Variants in ADAMTSL1 observed in about 807,000 individuals in gnomAD.
The protein encoded by ADAMTSL1 is ADAMTS-like protein 1.
Under a neutral mutation model 201.8 loss-of-function variants are expected in ADAMTSL1, and 126 were observed. The ratio of observed to expected loss-of-function variants is 0.62; its 90% CI spans 0.54 to 0.72. The LOEUF (loss-of-function observed/expected upper bound fraction) is 0.72, where lower values mean the gene tolerates loss of function less well. Among genes scored for constraint, ADAMTSL1 ranks in the 30% least tolerant of loss-of-function variants. ADAMTSL1 has a pLI of 0.00. For missense variants in ADAMTSL1, 2,679 were observed against 2,277.8 expected, an observed-to-expected ratio of 1.18 and a Z score of -3.59; for synonymous variants, 1,121 against 903.4, an observed-to-expected ratio of 1.24 and a Z score of -4.32.
At chr9:17,946,610 A>T (rs1421980381) in intron 1 of ADAMTSL1, among the ~76,000 whole-genome samples, 1 of 152,142 alleles carries the variant, frequency 6.6e-6, no homozygotes, top group Non-Finnish European at 1.5e-5. Flanking sequence ...AATTAAAAAT[A>T]GGAATTCTTT....
At chr9:18,068,719 C>G (rs1423583054) in intron 1 of ADAMTSL1, among the ~76,000 whole-genome samples, 1 of 152,174 alleles carries the variant, frequency 6.6e-6, no homozygotes, top group Admixed American at 6.5e-5. Context: ...ATATATTTAA[C>G]AAGTTTTCAC....
intron 4 of ADAMTSL1, among the ~76,000 whole-genome samples, chr9:18,589,878 G>T (rs1823795666): frequency 6.6e-6 from 1 of 152,058 alleles, no homozygotes; most frequent in Admixed American, 6.6e-5. Flanking sequence ...TTATTAATTT[G>T]TAAATGTTGA....
chr9:18,483,931 C>T (rs1316192345), intron 1 of ADAMTSL1, among the ~76,000 whole-genome samples: 1 of 152,222 alleles, frequency 6.6e-6, no homozygotes, highest in Non-Finnish European at 1.5e-5. Context: ...CTGTAAAATA[C>T]GGCTCTTCCC....
chr9:18,512,539 C>T (rs1587419937), intron 2 of ADAMTSL1, among the ~76,000 whole-genome samples: 1 of 151,996 alleles, frequency 6.6e-6, no homozygotes, highest in East Asian at 1.9e-4. Flanking sequence ...TTATTGAATA[C>T]CTACTATGTA....
chr9:18,248,811 C>T (rs4961631), intron 2 of ADAMTSL1, among the ~76,000 whole-genome samples: 150,832 of 152,268 alleles, frequency 0.99, 74,725 homozygotes, highest in Middle Eastern at 1. Flanking sequence ...CTCTCTCTCA[C>T]TGAAAACAAG....
intron 2 of ADAMTSL1, among the ~76,000 whole-genome samples, chr9:18,397,050 G>A (rs1817781713): frequency 6.9e-6 from 1 of 145,708 alleles, no homozygotes; most frequent in Admixed American, 6.6e-5. Flanking sequence ...GCTATTCACA[G>A]TGATCCTGGG....
chr9:18,500,378 A>T (rs1486695058), intron 1 of ADAMTSL1, among the ~76,000 whole-genome samples: 1 of 152,244 alleles, frequency 6.6e-6, no homozygotes, highest in Non-Finnish European at 1.5e-5. Flanking sequence ...CACAATCTGT[A>T]TTCCATAAAA....
At chr9:18,723,173 C>G in intron 15 of ADAMTSL1, 6 of 713,276 alleles carry the variant, frequency 8.4e-6, no homozygotes. Flanking sequence ...CTGGTTGTAC[C>G]TGATGATCTG....
At chr9:18,054,550 G>A (rs1159395982) in intron 1 of ADAMTSL1, among the ~76,000 whole-genome samples, 3 of 152,090 alleles carry the variant, frequency 2.0e-5, no homozygotes, top group African/African-American at 7.2e-5. Flanking sequence ...TACATTCTAG[G>A]TCCTATTAGG....
chr9:18,418,028 C>A (rs1200280674), intron 2 of ADAMTSL1, among the ~76,000 whole-genome samples: 1 of 152,154 alleles, frequency 6.6e-6, no homozygotes, highest in African/African-American at 2.4e-5. Context: ...ATACTGGAAA[C>A]TCTAGGCTAA....
intron 2 of ADAMTSL1, among the ~76,000 whole-genome samples, chr9:18,259,091 CT>C (rs1277937383): frequency 6.6e-6 from 1 of 152,198 alleles, no homozygotes; most frequent in Non-Finnish European, 1.5e-5. Flanking sequence ...CATATTTCTC[CT>C]GGCTCCATAT....
chr9:18,800,912 C>T (rs774837524), intron 20 of ADAMTSL1, among the ~76,000 whole-genome samples: 9 of 152,080 alleles, frequency 5.9e-5, no homozygotes, highest in Non-Finnish European at 1.0e-4. Flanking sequence ...TAGACGCCAT[C>T]AACATCAATT....
At chr9:18,811,234 C>G (rs939911692) in intron 20 of ADAMTSL1, among the ~76,000 whole-genome samples, 8 of 152,146 alleles carry the variant, frequency 5.3e-5, no homozygotes, top group African/African-American at 1.9e-4. Flanking sequence ...TGAGGTGCCC[C>G]CCAACCCTCA....
chr9:18,565,915 T>C (rs1821863715), intron 3 of ADAMTSL1, among the ~76,000 whole-genome samples: 1 of 152,224 alleles, frequency 6.6e-6, no homozygotes, highest in African/African-American at 2.4e-5. Flanking sequence ...GAGTACTTTA[T>C]AGTGCGTGCT....
At chr9:18,837,763 G>A (rs77411710) in intron 23 of ADAMTSL1, among the ~76,000 whole-genome samples, 13,429 of 152,174 alleles carry the variant, frequency 0.088, 792 homozygotes, top group East Asian at 0.22. Context: ...AATTGAGTAC[G>A]TGTGACAGGC....
intron 1 of ADAMTSL1, among the ~76,000 whole-genome samples, chr9:17,944,151 T>C (rs1262478862): frequency 1.3e-5 from 2 of 150,810 alleles, no homozygotes; most frequent in Non-Finnish European, 3.0e-5. Context: ...CTTTAGAAAA[T>C]CATTCTTATA....
At chr9:18,608,416 G>A (rs539141046) in intron 4 of ADAMTSL1, among the ~76,000 whole-genome samples, 3 of 152,142 alleles carry the variant, frequency 2.0e-5, no homozygotes. Flanking sequence ...CTAGACTATA[G>A]CAGGAAAGAA....
rs770991381 is a variant in ADAMTSL1 at position 18,776,819 on chromosome 9, G to C, written c.2590G>C (p.Ala864Pro). 1.3e-6 allele frequency: 2 copies of C among 1,572,008 alleles called. No individual in the cohort carries two copies. The highest frequency in any genetic ancestry group is 1.7e-6 in the Non-Finnish European group (2 of 1,159,196). Residue 864 changes from alanine (A) to proline (P), a missense_variant, in exon 19 of 29, where the codon GCG becomes CCG. By Grantham distance (27) the Ala-to-Pro change is conservative. Coordinates refer to ENST00000380548, the MANE Select transcript of ADAMTSL1 (RefSeq NM_001040272.6). ...ATCCACGAAGCACAGCCCGCACATC[G>C]CGGCCGCCAGGAAGGTCTACATACA... ...RPSTKHSPHI[A>P]AARKVYIQTR...
At chr9:18,053,940 G>A (rs1822055296) in intron 1 of ADAMTSL1, among the ~76,000 whole-genome samples, 1 of 151,770 alleles carries the variant, frequency 6.6e-6, no homozygotes, top group Non-Finnish European at 1.5e-5. Flanking sequence ...TAGGACATCT[G>A]TATCAACGTT....
Sources: gnomAD v4.1 joint callset for allele counts (sites outside exome capture counted in the v4.1 genomes callset) on GRCh38, gnomAD v4.1.1 for gene constraint, MANE v1.5 for transcripts, NCBI Gene and HGNC (gene_info 2026-07-23, HGNC 2026-07-21) for gene names.